The following SEPTIN4 variants were observed in gnomAD, a reference collection of about 807,000 sequenced individuals.
SEPTIN4 encodes the protein septin 4, also known as septin-4.
SEPTIN4 carries 52 observed loss-of-function variants against 107.1 expected under a neutral mutation model. That is an observed-to-expected ratio of 0.49 (90% CI 0.39 to 0.61). The LOEUF (loss-of-function observed/expected upper bound fraction) is 0.61, where lower values mean the gene tolerates loss of function less well. Among genes scored for constraint, SEPTIN4 ranks in the 20% least tolerant of loss-of-function variants. SEPTIN4 has a pLI of 0.00. For synonymous variants in SEPTIN4, 417 were observed against 467.0 expected, an observed-to-expected ratio of 0.89 and a Z score of 1.38; for missense variants, 1,048 against 1,243.5, an observed-to-expected ratio of 0.84 and a Z score of 2.36.
chr17:58,542,202 T>G (rs1376276335), intron 1 of SEPTIN4, among the ~76,000 whole-genome samples: 2 of 152,126 alleles, frequency 1.3e-5, no homozygotes, highest in African/African-American at 4.8e-5. Flanking sequence ...CCTCCTGGAA[T>G]CCCAGCTCAT....
intron 3 of SEPTIN4, chr17:58,527,239 A>G: frequency 1.4e-6 from 1 of 701,650 alleles, no homozygotes; most frequent in Non-Finnish European, 2.6e-6. Flanking sequence ...GAGCCCTGGC[A>G]ACTGCTCTTG....
chr17:58,535,637 C>T (rs902979755), intron 3 of SEPTIN4, among the ~76,000 whole-genome samples: 1 of 152,226 alleles, frequency 6.6e-6, no homozygotes, highest in Admixed American at 6.5e-5. Context: ...TTTGCTGACT[C>T]ATTTCATTGG....
intron 3 of SEPTIN4, chr17:58,532,231 G>A (rs1195333939): frequency 2.3e-5 from 9 of 390,262 alleles, no homozygotes; most frequent in Non-Finnish European, 3.3e-5. Flanking sequence ...CGCAGAGTAT[G>A]CAGAGTCACC....
In SEPTIN4 at chr17:58,521,876, C is replaced by T. The variant is rs2042311851; in HGVS notation, c.2352-23G>A. The T allele has an allele frequency of 6.2e-7, 1 of 1,614,212 alleles. No homozygotes were observed. On this transcript the variant is annotated intron_variant, in intron 8 of 13. Transcript: ENST00000672673. This position sits in a 1 kb window ranked among gnomAD's most constrained non-coding sequence, Gnocchi z 6.4. ...AGCCTGGGGAACAGGAACCTGTGACCACCTGCTAGTGGCAGCCCTGCCCCT... is the reference window on the plus strand; with the variant it reads ...AGCCTGGGGAACAGGAACCTGTGACTACCTGCTAGTGGCAGCCCTGCCCCT...
chr17:58,526,473 C>T, intron 4 of SEPTIN4, 160 bp from the exon 5 acceptor site: 2 of 1,393,700 alleles, frequency 1.4e-6, no homozygotes, highest in Non-Finnish European at 1.9e-6. Context: ...GGGCCTCCTG[C>T]CCTTGCTGAA....
chr17:58,520,412 GGGCTGAAA>G lies in SEPTIN4; in HGVS notation c.*6_*13del. ...GAAGAGGAGGAGATTTAAATATCCA[GGGCTGAAA>G]GCCAGTTAATAGTTCTCCTTCATCT... On this transcript the variant is annotated 3_prime_UTR_variant, in exon 14 of 14. Transcript: ENST00000672673. 6.2e-7 allele frequency: 1 copy of G among 1,612,054 alleles called. No individual in the cohort carries two copies. Among genetic ancestry groups the G allele is most frequent in the South Asian group, 1.1e-5 (1 of 90,966 alleles).
In SEPTIN4 at chr17:58,538,679, C is replaced by T. The variant is rs566391287; in HGVS notation, c.1614+1987G>A. Among the ~76,000 whole-genome samples the T allele has an allele frequency of 6.6e-6, 1 of 152,200 alleles. No homozygotes were observed. Among genetic ancestry groups the T allele is most frequent in the South Asian group, 2.1e-4 (1 of 4,830 alleles). ...AATGCTTCCCTTAGTCCAGCATAAC[C>T]TCCTCTGGGGAGACTCCTGCCCCTA... is the stretch of plus-strand genomic sequence containing the variant. On this transcript the variant is annotated intron_variant, in intron 3 of 13. Transcript: ENST00000672673. The surrounding 1 kb of genome is among the most constrained non-coding windows in gnomAD (Gnocchi z 4.7).
intron 2 of SEPTIN4, 67 bp downstream of exon 2, chr17:58,541,855 C>T (rs770512502): frequency 3.1e-6 from 5 of 1,614,102 alleles, no homozygotes; most frequent in Non-Finnish European, 4.2e-6. Flanking sequence ...ACATAGATGC[C>T]ACTCCTCACC....
rs6503867 is a variant in SEPTIN4, at chr17:58,543,998, T to C, written c.189A>G (p.Ser63=). The change falls in exon 1 of 14, where the codon TCA becomes TCG. Residue 63 remains serine, a synonymous_variant. Transcript: ENST00000672673. ...AGACAGATCGAGGGTAGTCTGATGC[T>C]GAATGGGGAGTGGTGGGATGTGCAG... is the stretch of plus-strand genomic sequence containing the variant. ...SEAAHPTTPH[S]ASDYPRSVSL... 0.81 allele frequency: 1,314,762 copies of C among 1,613,680 alleles called. 537,830 individuals carry two copies. The highest frequency in any genetic ancestry group is 1 in the East Asian group (44,816 of 44,852).
Position 58,521,392 on chromosome 17 carries a change from A to C in SEPTIN4, c.2572-42T>G. On this transcript the variant is annotated intron_variant, in intron 10 of 13. Coordinates refer to ENST00000672673, the MANE Select transcript of SEPTIN4 (RefSeq NM_001368771.2). The surrounding 1 kb of genome is among the most constrained non-coding windows in gnomAD (Gnocchi z 6.4). ...GTGCCTGTCAGCACCCTCTGTTCTC[A>C]CCTCTTTCTTTCCACCTGTATCGTC... The C allele has an allele frequency of 6.3e-7, 1 of 1,597,290 alleles. No homozygotes were observed. Among genetic ancestry groups the C allele is most frequent in the South Asian group, 1.1e-5 (1 of 90,722 alleles).
At position 58,526,083 on chromosome 17, in the gene SEPTIN4, C is replaced by T. The variant is rs964734964; in HGVS notation, c.2005+137G>A. On this transcript the variant is annotated intron_variant, in intron 5 of 13. Coordinates refer to ENST00000672673, the MANE Select transcript of SEPTIN4 (RefSeq NM_001368771.2). ...TACATACACTCTCACAGGCCAATGA[C>T]TCCTGGCTGTTTTGCAAAACAGTAC... is the stretch of plus-strand genomic sequence containing the variant. 6.4e-6 allele frequency: 5 copies of T among 777,086 alleles called. No homozygotes were observed. The African/African-American group carries it at 1.0e-4, about 16-fold the overall frequency. The allele number at this position is 777,086 out of a possible 1,614,324, so 48.1% of individuals were successfully genotyped here. A position where few individuals can be genotyped will look rare whatever the true frequency, so the allele number is the denominator to read the frequency against.
intron 2 of SEPTIN4, 111 bp from the exon 3 acceptor site, chr17:58,540,784 G>A: frequency 8.4e-7 from 1 of 1,184,944 alleles, no homozygotes; most frequent in South Asian, 2.6e-5. Flanking sequence ...CAGTGGACTT[G>A]GGCAAACCTG....
In SEPTIN4 at chr17:58,543,811, G is replaced by A. The variant is rs2043952140; in HGVS notation, c.376C>T (p.Pro126Ser). The change falls in exon 1 of 14, where the codon CCC becomes TCC. Residue 126 changes from proline to serine, a missense_variant. This residue lies in a region of SEPTIN4 where 787 missense variants were observed against 871.8 expected (regional missense o/e 0.90). Coordinates refer to ENST00000672673, the MANE Select transcript of SEPTIN4 (RefSeq NM_001368771.2). ...ASSRQWKVSPPREEAARRGSE... is the reference protein window; with the variant it reads ...ASSRQWKVSPSREEAARRGSE... Reference sequence around the variant, plus strand: ...CCTCTTCGTGCTGCTTCCTCTCTGGGTGGACTAACTTTCCATTGTCTGCTT... The same window carrying A: ...CCTCTTCGTGCTGCTTCCTCTCTGGATGGACTAACTTTCCATTGTCTGCTT... The A allele has an allele frequency of 6.2e-7, 1 of 1,614,036 alleles. No individual in the cohort carries two copies. Among genetic ancestry groups the A allele is most frequent in the African/African-American group, 1.3e-5 (1 of 74,912 alleles).
intron 3 of SEPTIN4, chr17:58,539,259 T>A: frequency 7.9e-7 from 1 of 1,259,180 alleles, no homozygotes; most frequent in Non-Finnish European, 1.1e-6. Context: ...AGCCACCCTG[T>A]TGCCAAGGCT....
chr17:58,526,637 C>T, intron 4 of SEPTIN4, 45 bp downstream of exon 4: 1 of 1,530,720 alleles, frequency 6.5e-7, no homozygotes, highest in Admixed American at 2.2e-5. Context: ...CCCGGTCTTC[C>T]TGCAGCAGCC....
chr17:58,542,878 T>C lies in SEPTIN4; in HGVS notation c.1309A>G (p.Thr437Ala), dbSNP rs1327480142. ...WWPLLNPEVE[T>A]PQSQLTTPDF... Reference sequence around the variant, plus strand: ...GGTGTTGTCAGCTGGCTTTGGGGTGTTTCAACTTCAGGATTCAGCAAGGGC... The same window carrying C: ...GGTGTTGTCAGCTGGCTTTGGGGTGCTTCAACTTCAGGATTCAGCAAGGGC... The change falls in exon 1 of 14, where the codon ACA becomes GCA. Residue 437 changes from threonine (T) to alanine (A), a missense_variant. Thr to Ala is a moderately conservative substitution (Grantham distance 58). Transcript: ENST00000672673. The C allele has an allele frequency of 3.7e-6, 6 of 1,614,098 alleles. No homozygotes were observed. The highest frequency in any genetic ancestry group is 5.1e-6 in the Non-Finnish European group (6 of 1,180,022).
At chr17:58,520,600 G>A (rs1258102360) in intron 13 of SEPTIN4, 115 bp from the exon 14 acceptor site, 1 of 1,505,364 alleles carries the variant, frequency 6.6e-7, no homozygotes, top group Non-Finnish European at 9.2e-7. Context: ...GAGGTGTGAT[G>A]GAGACTCTGG....
At chr17:58,542,348 CCT>C (rs1287350736) in intron 1 of SEPTIN4, among the ~76,000 whole-genome samples, 1 of 152,216 alleles carries the variant, frequency 6.6e-6, no homozygotes, top group African/African-American at 2.4e-5. Context: ...CCTGCAAGCC[CCT>C]CTCTACTACC....
At chr17:58,525,940 T>C (rs936742299) in intron 5 of SEPTIN4, 159 bp from the exon 6 acceptor site, 5 of 860,084 alleles carry the variant, frequency 5.8e-6, no homozygotes, top group Admixed American at 2.7e-5. Flanking sequence ...AGCACAGAGA[T>C]TGGCTTGGGG....
Sources: gnomAD v4.1 joint callset for allele counts (sites outside exome capture counted in the v4.1 genomes callset) on GRCh38, gnomAD v4.1.1 for gene constraint, gnomAD v4.1.1 regional missense constraint, Gnocchi (gnomAD v3.1) non-coding constraint, MANE v1.5 for transcripts, NCBI Gene and HGNC (gene_info 2026-07-23, HGNC 2026-07-21) for gene names.